Variants in TTC21A observed in about 807,000 individuals in gnomAD.
TTC21A encodes the protein tetratricopeptide repeat protein 21A.
In TTC21A, 128 loss-of-function variants were observed where a neutral mutation model predicts 156.4. That is an observed-to-expected ratio of 0.82 (90% CI 0.71 to 0.95). The LOEUF (loss-of-function observed/expected upper bound fraction) is 0.95, where lower values mean the gene tolerates loss of function less well. Among genes scored for constraint, TTC21A ranks in the 40% least tolerant of loss-of-function variants. The probability of loss-of-function intolerance (pLI) is 0.00; values close to 1 mark genes in which losing one functional copy is unlikely to be tolerated. For missense variants in TTC21A, 1,435 were observed against 1,602.3 expected (o/e 0.90, Z 1.78); for synonymous variants, 587 against 617.1 (o/e 0.95, Z 0.72).
In TTC21A at chr3:39,130,213, A is replaced by G; in HGVS notation, c.2209-35A>G. 6.2e-7 allele frequency: 1 copy of G among 1,611,570 alleles called. No individual in the cohort carries two copies. Among genetic ancestry groups the G allele is most frequent in the Non-Finnish European group, 8.5e-7 (1 of 1,178,512 alleles). On this transcript the variant is annotated intron_variant, in intron 16 of 28. Transcript: ENST00000683103. This position sits in a 1 kb window ranked among gnomAD's most constrained non-coding sequence, Gnocchi z 4.5. ...CCCAGTCTCCCTTCTCCAGTGGGAG[A>G]GAAGAGGAAGACCCAAAGACACTTT...
chr3:39,108,255 T>C (rs1233900059), intron 1 of TTC21A: 1 of 291,268 alleles, frequency 3.4e-6, no homozygotes, highest in Non-Finnish European at 6.4e-6. Flanking sequence ...CTACAAGAAA[T>C]GCCAGCTCCT....
chr3:39,121,238 C>A, intron 9 of TTC21A, 49 bp downstream of exon 9: 1 of 1,543,178 alleles, frequency 6.5e-7, no homozygotes, highest in Non-Finnish European at 8.8e-7. Flanking sequence ...GGAGCCAAAC[C>A]GGGCAGCTTC....
In TTC21A at chr3:39,126,348, A is replaced by G; in HGVS notation, c.1480A>G (p.Ile494Val). 1 of 1,614,062 alleles carries G rather than the reference A, an allele frequency of 6.2e-7. No homozygotes were observed. Among genetic ancestry groups the G allele is most frequent in the Non-Finnish European group, 8.5e-7 (1 of 1,179,998 alleles). The change falls in exon 12 of 29, where the codon ATC becomes GTC. Residue 494 changes from isoleucine to valine, a missense_variant. Coordinates refer to ENST00000683103, the MANE Select transcript of TTC21A (RefSeq NM_001366900.1). ...NPVVKAAPAL[I>V]DPLYLMAQVR... ...TGTAGTCAAAGCAGCACCAGCTCTG[A>G]TCGACCCCCTGTATTTGATGGCTCA... is the stretch of plus-strand genomic sequence containing the variant.
chr3:39,137,158 C>T (rs2039177489), intron 24 of TTC21A, 37 bp from the exon 25 acceptor site: 4 of 1,601,894 alleles, frequency 2.5e-6, no homozygotes, highest in Non-Finnish European at 3.4e-6. Flanking sequence ...GGGCAGGCCA[C>T]CGGCCTGTGT....
Position 39,136,356 on chromosome 3 carries a change from G to A in TTC21A, c.2945-1G>A. 2.5e-6 allele frequency: 4 copies of A among 1,610,808 alleles called. No homozygotes were observed. Among genetic ancestry groups the A allele is most frequent in the Non-Finnish European group, 3.4e-6 (4 of 1,178,112 alleles). Reference sequence around the variant, plus strand: ...CTGGAGATTTCTGTCTCTTATTTTAGACAATTTTTTGGTATTGCATAAATT... The same window carrying A: ...CTGGAGATTTCTGTCTCTTATTTTAAACAATTTTTTGGTATTGCATAAATT... On this transcript the variant is annotated splice_acceptor_variant, in intron 22 of 28. Transcript: ENST00000683103. LOFTEE classifies it high-confidence loss of function.
chr3:39,114,439 G>A (rs2037104196), intron 5 of TTC21A, 146 bp from the exon 6 acceptor site: 2 of 733,178 alleles, frequency 2.7e-6, no homozygotes, highest in Non-Finnish European at 4.7e-6. Context: ...ACTTTGAGGG[G>A]CTACTGGCCC....
At chr3:39,124,889 G>C (rs1349708863) in intron 9 of TTC21A, among the ~76,000 whole-genome samples, 174 bp from the exon 10 acceptor site, 1 of 152,114 alleles carries the variant, frequency 6.6e-6, no homozygotes, top group African/African-American at 2.4e-5. Flanking sequence ...TTGCCTTAGG[G>C]TTTGAATTCT....
In TTC21A at chr3:39,134,150, T is replaced by G; in HGVS notation, c.2752-68T>G. 1 of 995,058 alleles carries G rather than the reference T, an allele frequency of 1.0e-6. No homozygotes were observed. Among genetic ancestry groups the G allele is most frequent in the Non-Finnish European group, 1.6e-6 (1 of 621,950 alleles). 61.6% of individuals were successfully genotyped at this position (995,058 alleles called of 1,614,324 possible). A position where few individuals can be genotyped will look rare whatever the true frequency, so the allele number is the denominator to read the frequency against. On this transcript the variant is annotated intron_variant, in intron 20 of 28. Transcript: ENST00000683103. This position sits in a 1 kb window ranked among gnomAD's most constrained non-coding sequence, Gnocchi z 4.6. ...AAGTGGGGTGTGAGGGAAAGAGCTG[T>G]CAAGGATAACCCCAGGGGTTTCCCA...
chr3:39,135,279 G>A lies in TTC21A; in HGVS notation c.2944+105G>A, dbSNP rs2039031077. 3 of 970,778 alleles carry A rather than the reference G, an allele frequency of 3.1e-6. No homozygotes were observed. In the Admixed American group the frequency reaches 5.5e-5, roughly 18 times the overall value. The allele number at this position is 970,778 out of a possible 1,614,324, so 60.1% of individuals were successfully genotyped here. On this transcript the variant is annotated intron_variant, in intron 22 of 28. Coordinates refer to ENST00000683103, the MANE Select transcript of TTC21A (RefSeq NM_001366900.1). ...CCTCCTTCCTGACTGGGCAGAGGAA[G>A]CCCCTTCCTCCCTGATTGTTCCAGA...
chr3:39,120,501 G>A (rs900144049), intron 8 of TTC21A, among the ~76,000 whole-genome samples: 2 of 152,174 alleles, frequency 1.3e-5, no homozygotes, highest in Non-Finnish European at 2.9e-5. Flanking sequence ...AGACCCTTCA[G>A]CCCCAAAGCA....
At position 39,133,186 on chromosome 3, in the gene TTC21A, CA is replaced by C; in HGVS notation, c.2699del (p.Lys900ArgfsTer19). 1 of 1,614,240 alleles carries C rather than the reference CA, an allele frequency of 6.2e-7. No individual in the cohort carries two copies. The highest frequency in any genetic ancestry group is 8.5e-7 in the Non-Finnish European group (1 of 1,180,050). ...EHYLAEKEYDKAVQSYKDVFS... is the reference protein window; with the variant it reads ...EHYLAEKEYDXAVQSYKDVFS... ...ACTACCTGGCAGAGAAAGAGTATGA[CA>C]AGGCGGTACAGTCTTATAAGGATGT... On this transcript the variant is annotated frameshift_variant, in exon 20 of 29. Transcript: ENST00000683103. LOFTEE classifies it high-confidence loss of function.
intron 1 of TTC21A, among the ~76,000 whole-genome samples, chr3:39,108,731 A>G (rs530485259): frequency 1.3e-5 from 2 of 152,250 alleles, no homozygotes; most frequent in African/African-American, 4.8e-5. Context: ...TATGAAGCCC[A>G]CAATAACTTG....
Position 39,110,021 on chromosome 3 carries a change from C to T in TTC21A, c.158-8C>T. On this transcript the variant is annotated splice_polypyrimidine_tract_variant and splice_region_variant and intron_variant, in intron 2 of 28. Transcript: ENST00000683103. Reference sequence around the variant, plus strand: ...TTGAGAGTATAACTATGTGGACTGTCTTTGCAGAGCACATCCAGGATGCCA... The same window carrying T: ...TTGAGAGTATAACTATGTGGACTGTTTTTGCAGAGCACATCCAGGATGCCA... The T allele has an allele frequency of 6.2e-7, 1 of 1,607,866 alleles. No individual in the cohort carries two copies. Among genetic ancestry groups the T allele is most frequent in the South Asian group, 1.1e-5 (1 of 90,830 alleles).
chr3:39,122,677 G>A (rs2037871200), intron 9 of TTC21A, among the ~76,000 whole-genome samples: 1 of 152,200 alleles, frequency 6.6e-6, no homozygotes, highest in African/African-American at 2.4e-5. Flanking sequence ...AGGAGGGAGA[G>A]GAGCACTGCT....
chr3:39,130,276 A>G lies in TTC21A; in HGVS notation c.2237A>G (p.Glu746Gly). ...EPEKALEVYDEAYRQNPHDAS... is the reference protein window; with the variant it reads ...EPEKALEVYDGAYRQNPHDAS... ...GAGAAGGCCCTGGAGGTCTATGATG[A>G]GGCCTATAGACAGAACCCACATGAC... Residue 746 changes from glutamate (E) to glycine (G), a missense_variant, in exon 17 of 29, where the codon GAG becomes GGG. Glu to Gly is a moderately conservative substitution (Grantham distance 98). Coordinates refer to ENST00000683103, the MANE Select transcript of TTC21A (RefSeq NM_001366900.1). The surrounding 1 kb of genome is among the most constrained non-coding windows in gnomAD (Gnocchi z 4.5). 1 of 1,613,882 alleles carries G rather than the reference A, an allele frequency of 6.2e-7. No homozygotes were observed. The highest frequency in any genetic ancestry group is 1.1e-5 in the South Asian group (1 of 91,018).
intron 5 of TTC21A, 115 bp from the exon 6 acceptor site, chr3:39,114,470 C>A: frequency 2.0e-6 from 2 of 1,000,978 alleles, no homozygotes; most frequent in Non-Finnish European, 3.1e-6. Context: ...ACCCACGGTG[C>A]CCATGTGTCA....
chr3:39,123,056 C>T (rs111832227), intron 9 of TTC21A, among the ~76,000 whole-genome samples: 79 of 152,276 alleles, frequency 5.2e-4, no homozygotes, highest in Non-Finnish European at 1.0e-3. Flanking sequence ...CTCTGAGGAG[C>T]AGAGTTAAGG....
intron 7 of TTC21A, 112 bp from the exon 8 acceptor site, chr3:39,119,810 G>A (rs1247733847): frequency 1.4e-6 from 1 of 726,156 alleles, no homozygotes; most frequent in Non-Finnish European, 2.4e-6. Context: ...GCCTGGGCAT[G>A]GGCATTTTTT....
chr3:39,128,890 C>T lies in TTC21A; in HGVS notation c.1854C>T (p.Ile618=). 1 of 1,614,182 alleles carries T rather than the reference C, an allele frequency of 6.2e-7. No homozygotes were observed. ...TGCAGCCTAGCCAGCGGGCATCCAT[C>T]TTATTGGAACTGGTGGAGGCCCTCC... ...PSVQPSQRAS[I]LLELVEALRL... The change falls in exon 14 of 29, where the codon ATC becomes ATT. Residue 618 remains isoleucine, a synonymous_variant. Transcript: ENST00000683103.
Sources: gnomAD v4.1 joint callset for allele counts (sites outside exome capture counted in the v4.1 genomes callset) on GRCh38, gnomAD v4.1.1 for gene constraint, Gnocchi (gnomAD v3.1) non-coding constraint, MANE v1.5 for transcripts, NCBI Gene and HGNC (gene_info 2026-07-23, HGNC 2026-07-21) for gene names.